The following DPYD variants were observed in gnomAD, a reference collection of about 807,000 sequenced individuals.
DPYD encodes dihydropyrimidine dehydrogenase.
Under a neutral mutation model 116.2 loss-of-function variants are expected in DPYD, and 109 were observed. The ratio of observed to expected loss-of-function variants is 0.94; its 90% CI spans 0.80 to 1.10. The LOEUF (loss-of-function observed/expected upper bound fraction) is 1.10. Ranked by LOEUF, DPYD falls within the 50% of genes least tolerant of loss-of-function variation. The probability of loss-of-function intolerance (pLI) is 0.00; values close to 1 mark genes in which losing one functional copy is unlikely to be tolerated. For synonymous variants in DPYD, 440 were observed against 432.0 expected, an observed-to-expected ratio of 1.02 and a Z score of -0.23; for missense variants, 1,302 against 1,254.5, an observed-to-expected ratio of 1.04 and a Z score of -0.57.
chr1:97,367,429 T>C (rs1390593015), intron 16 of DPYD, among the ~76,000 whole-genome samples: 1 of 152,214 alleles, frequency 6.6e-6, no homozygotes, highest in Admixed American at 6.6e-5. Flanking sequence ...AAACCTTTTA[T>C]TCTTGCTTAG....
At chr1:97,406,160 A>G (rs1384153535) in intron 14 of DPYD, among the ~76,000 whole-genome samples, 9 of 151,858 alleles carry the variant, frequency 5.9e-5, no homozygotes, top group Admixed American at 3.3e-4. Flanking sequence ...TGCTTCAGTA[A>G]GCCATAGTTC....
intron 18 of DPYD, among the ~76,000 whole-genome samples, chr1:97,240,778 A>T (rs923799795): frequency 1.3e-5 from 2 of 151,510 alleles, no homozygotes; most frequent in African/African-American, 2.4e-5. Flanking sequence ...GATTTTTATA[A>T]CCTACATATA....
chr1:97,567,120 C>A (rs1652574026), intron 11 of DPYD, among the ~76,000 whole-genome samples: 1 of 152,050 alleles, frequency 6.6e-6, no homozygotes, highest in African/African-American at 2.4e-5. Flanking sequence ...CATTTCTTGC[C>A]TAACTGGCAA....
intron 19 of DPYD, among the ~76,000 whole-genome samples, chr1:97,209,333 G>C (rs1313358144): frequency 6.6e-6 from 1 of 151,980 alleles, no homozygotes; most frequent in Non-Finnish European, 1.5e-5. Context: ...CTTATATTTT[G>C]AATCTGCTTA....
intron 20 of DPYD, among the ~76,000 whole-genome samples, chr1:97,101,437 A>G (rs540718100): frequency 1.3e-5 from 2 of 149,958 alleles, no homozygotes; most frequent in Admixed American, 6.7e-5. Context: ...TACACATACT[A>G]CATTTAGGCA....
chr1:97,467,223 A>C (rs2101840231), intron 13 of DPYD, among the ~76,000 whole-genome samples: 1 of 152,346 alleles, frequency 6.6e-6, no homozygotes, highest in South Asian at 2.1e-4. Context: ...GGGAGAACTA[A>C]GGGCTGAACT....
intron 4 of DPYD, among the ~76,000 whole-genome samples, chr1:97,725,498 A>T (rs1182599506): frequency 6.6e-6 from 1 of 151,596 alleles, no homozygotes; most frequent in Non-Finnish European, 1.5e-5. Context: ...AGCTAAAATG[A>T]AAAATAAGAA....
intron 1 of DPYD, among the ~76,000 whole-genome samples, chr1:97,913,588 T>C (rs1674071601): frequency 6.6e-6 from 1 of 152,170 alleles, no homozygotes; most frequent in Admixed American, 6.6e-5. Flanking sequence ...ATACACATTC[T>C]ACTATTTTGC....
At position 97,450,102 on chromosome 1, in the gene DPYD, C is replaced by T. The variant is rs1182668539; in HGVS notation, c.1862G>A (p.Trp621Ter). ...CTTTAGTTCAGTGACACTTTGACAC[C>T]AATATGCAGCCGTTTTCTCACTGAT... ...ELISEKTAAY[W>*]CQSVTELKAD... The change falls in exon 14 of 23, where the codon TGG (tryptophan) becomes TAG (stop). Residue 621 changes from tryptophan (W) to a stop codon, truncating the protein, a stop_gained. Coordinates refer to ENST00000370192, the MANE Select transcript of DPYD (RefSeq NM_000110.4). LOFTEE classifies it high-confidence loss of function. 1.2e-6 allele frequency: 2 copies of T among 1,613,770 alleles called. No individual in the cohort carries two copies. The highest frequency in any genetic ancestry group is 1.7e-6 in the Non-Finnish European group (2 of 1,179,910).
At chr1:97,900,415 T>C (rs1411626119) in intron 1 of DPYD, among the ~76,000 whole-genome samples, 3 of 151,910 alleles carry the variant, frequency 2.0e-5, no homozygotes, top group Non-Finnish European at 4.4e-5. Context: ...TGGGAAGGAC[T>C]GATAGTCCAA....
chr1:97,679,982 A>C (rs1460859844), intron 7 of DPYD, among the ~76,000 whole-genome samples: 1 of 152,164 alleles, frequency 6.6e-6, no homozygotes, highest in Non-Finnish European at 1.5e-5. Flanking sequence ...AGGACTATTA[A>C]GCACTGGTTC....
intron 13 of DPYD, among the ~76,000 whole-genome samples, chr1:97,477,604 C>CTTTTTTTTTTTTTTTTTTTTT (rs56199931): frequency 1.8e-5 from 2 of 113,654 alleles, no homozygotes; most frequent in African/African-American, 6.8e-5. Context: ...GACTGTTCTT[C>CTTTTTTTTTTTTTTTTTTTTT]TTTTTTTTTT....
rs183720205 is a variant in DPYD, at chr1:97,583,185, G to A, written c.1129-9215C>T. 3.9e-3 allele frequency among the ~76,000 whole-genome samples: 598 copies of A among 152,226 alleles called. 1 individual carries two copies. The highest frequency in any genetic ancestry group is 0.014 in the African/African-American group (564 of 41,532). ...GGGGTTTCACTGTGTTAGCCAGGATGGTCTCGAGCTCCTGACCTCGTGATC... is the reference window on the plus strand; with the variant it reads ...GGGGTTTCACTGTGTTAGCCAGGATAGTCTCGAGCTCCTGACCTCGTGATC... On this transcript the variant is annotated intron_variant, in intron 10 of 22. Transcript: ENST00000370192.
intron 13 of DPYD, among the ~76,000 whole-genome samples, chr1:97,490,740 C>A (rs1678927301): frequency 2.0e-5 from 3 of 150,640 alleles, no homozygotes; most frequent in South Asian, 4.1e-4. Flanking sequence ...TTAATATCTG[C>A]AATCAGGTGG....
intron 3 of DPYD, among the ~76,000 whole-genome samples, chr1:97,822,584 G>A (rs1227740378): frequency 6.6e-6 from 1 of 151,682 alleles, no homozygotes; most frequent in Non-Finnish European, 1.5e-5. Flanking sequence ...ATTCCTAGAA[G>A]GTAAATTAAT....
At chr1:97,643,015 C>T (rs1294242061) in intron 8 of DPYD, among the ~76,000 whole-genome samples, 3 of 152,006 alleles carry the variant, frequency 2.0e-5, no homozygotes, top group Non-Finnish European at 4.4e-5. Context: ...CCATTCAGGA[C>T]ATAGGCATGG....
At position 97,164,660 on chromosome 1, in the gene DPYD, A is replaced by C. The variant is rs572015154; in HGVS notation, c.2622+28409T>G. On this transcript the variant is annotated intron_variant, in intron 20 of 22. Coordinates refer to ENST00000370192, the MANE Select transcript of DPYD (RefSeq NM_000110.4). ...AGCCAAGCCAAGAGCCATATCAGGA[A>C]GGCAATCCCATTCACAATTGTCACA... Among the ~76,000 whole-genome samples the C allele has an allele frequency of 3.9e-5, 6 of 152,288 alleles. No individual in the cohort carries two copies. In the South Asian group the frequency reaches 1.2e-3, roughly 32 times the overall value.
In DPYD at chr1:97,268,718, G is replaced by T. The variant is rs992594049; in HGVS notation, c.2300-33724C>A. ...ATAGTGCAGGGCACCTAATGCTGAG[G>T]TCCGATATGAGCCCCTGTCTAGAAA... On this transcript the variant is annotated intron_variant, in intron 18 of 22. Coordinates refer to ENST00000370192, the MANE Select transcript of DPYD (RefSeq NM_000110.4). 3.9e-5 allele frequency among the ~76,000 whole-genome samples: 6 copies of T among 152,082 alleles called. No homozygotes were observed. The East Asian group carries it at 1.2e-3, about 29-fold the overall frequency.
In DPYD at chr1:97,479,668, T is replaced by C. The variant is rs192561953; in HGVS notation, c.1741-29445A>G. Among the ~76,000 whole-genome samples, 250 of 152,202 alleles carry C rather than the reference T, an allele frequency of 1.6e-3. 2 individuals carry two copies. Among genetic ancestry groups the C allele is most frequent in the African/African-American group, 5.7e-3 (237 of 41,524 alleles). ...ATCAACAGACTTGCTCGAAGAAAGG[T>C]TGCCACAAACCTTCAATTTGTAAAA... On this transcript the variant is annotated intron_variant, in intron 13 of 22. Transcript: ENST00000370192.
Sources: allele counts gnomAD v4.1 joint callset (sites outside exome capture counted in the v4.1 genomes callset), GRCh38; gene constraint gnomAD v4.1.1; transcripts MANE v1.5; gene names NCBI Gene and HGNC (gene_info 2026-07-23, HGNC 2026-07-21).